FHIP1B: variants seen among roughly 807,000 people sequenced by gnomAD.
The protein encoded by FHIP1B is FHF complex subunit HOOK-interacting protein 1B.
Under a neutral mutation model 82.2 loss-of-function variants are expected in FHIP1B, and 28 were observed. That is an observed-to-expected ratio of 0.34 (90% CI 0.25 to 0.47). FHIP1B has a LOEUF of 0.47. Ranked by LOEUF, FHIP1B falls within the 20% of genes least tolerant of loss-of-function variation. The pLI is 1.00. For missense variants in FHIP1B, 1,110 were observed against 1,262.6 expected, an observed-to-expected ratio of 0.88 and a Z score of 1.83; for synonymous variants, 585 against 516.1, an observed-to-expected ratio of 1.13 and a Z score of -1.81.
intron 1 of FHIP1B, among the ~76,000 whole-genome samples, chr11:6,232,360 A>C (rs1220293597): frequency 2.0e-5 from 3 of 152,218 alleles, no homozygotes; most frequent in Admixed American, 6.5e-5. Flanking sequence ...TACCTGTTCC[A>C]ATGTCACTGC....
At chr11:6,229,447 ATC>A (rs986180771) in intron 1 of FHIP1B, among the ~76,000 whole-genome samples, 1 of 152,192 alleles carries the variant, frequency 6.6e-6, no homozygotes, top group Non-Finnish European at 1.5e-5. Flanking sequence ...AAGTGCCCAT[ATC>A]TCTGACTGAG....
rs201798905 is a variant in FHIP1B at position 6,218,956 on chromosome 11, T to C, written c.1271+15A>G. The C allele has an allele frequency of 6.2e-7, 1 of 1,613,626 alleles. No homozygotes were observed. The highest frequency in any genetic ancestry group is 1.3e-5 in the African/African-American group (1 of 74,896). ...TTCAGGGTCAGCCATCCCTCAGCCC[T>C]GCCCCAACAGATACCTGAGAACCAG... On this transcript the variant is annotated intron_variant, in intron 7 of 11. Coordinates refer to ENST00000449352, the MANE Select transcript of FHIP1B (RefSeq NM_001098794.2).
At chr11:6,218,895 AG>A in intron 7 of FHIP1B, 75 bp downstream of exon 7, 4 of 1,556,558 alleles carry the variant, frequency 2.6e-6, no homozygotes, top group Non-Finnish European at 3.5e-6. Context: ...ACCCCTATAT[AG>A]CCCATTGCCC....
At position 6,211,345 on chromosome 11, in the gene FHIP1B, T is replaced by A. The variant is rs1480057347; in HGVS notation, c.*161A>T. 8.9e-7 allele frequency: 1 copy of A among 1,129,094 alleles called. No homozygotes were observed. The highest frequency in any genetic ancestry group is 2.7e-5 in the East Asian group (1 of 37,436). The allele number at this position is 1,129,094 out of a possible 1,614,324, so 69.9% of individuals were successfully genotyped here. A position where few individuals can be genotyped will look rare whatever the true frequency, so the allele number is the denominator to read the frequency against. On this transcript the variant is annotated 3_prime_UTR_variant, in exon 12 of 12. Coordinates refer to ENST00000449352, the MANE Select transcript of FHIP1B (RefSeq NM_001098794.2). ...ATGGGAAAGAAAAATGAGCACAGAA[T>A]AGAGATTTCCCTTTTATACATATTG... is the stretch of plus-strand genomic sequence containing the variant.
At position 6,218,963 on chromosome 11, in the gene FHIP1B, A is replaced by G. The variant is rs763994886; in HGVS notation, c.1271+8T>C. 6.2e-7 allele frequency: 1 copy of G among 1,613,930 alleles called. No individual in the cohort carries two copies. The highest frequency in any genetic ancestry group is 1.1e-5 in the South Asian group (1 of 91,060). On this transcript the variant is annotated splice_region_variant and intron_variant, in intron 7 of 11. Coordinates refer to ENST00000449352, the MANE Select transcript of FHIP1B (RefSeq NM_001098794.2). ...TCAGCCATCCCTCAGCCCTGCCCCA[A>G]CAGATACCTGAGAACCAGCTGCAGC...
intron 6 of FHIP1B, 49 bp from the exon 7 acceptor site, chr11:6,219,099 C>A: frequency 2.0e-6 from 3 of 1,469,894 alleles, no homozygotes; most frequent in Non-Finnish European, 2.8e-6. Flanking sequence ...GCTCTCTGCC[C>A]TCCAAGCCAT....
rs376532722 is a variant in FHIP1B, at chr11:6,214,727, G to A, written c.2394+6C>T. The stretch of plus-strand genomic sequence containing the variant: ...GGACGCACCCATGCATGCATGCATC[G>A]CACACCTGCAGCAGGGACTTGACAC... On this transcript the variant is annotated splice_donor_region_variant and intron_variant, in intron 10 of 11. Coordinates refer to ENST00000449352, the MANE Select transcript of FHIP1B (RefSeq NM_001098794.2). 78 of 1,566,440 alleles carry A rather than the reference G, an allele frequency of 5.0e-5. 1 individual carries two copies. Among genetic ancestry groups the A allele is most frequent in the Admixed American group, 1.1e-4 (6 of 55,230 alleles).
rs566797155 is a variant in FHIP1B, at chr11:6,224,203, C to T, written c.184G>A (p.Gly62Ser). The part of the protein sequence containing the change: ...ERQGPRAAPG[G>S]ADDLSAVRNH... ...CGCACAGCACTGAGATCGTCTGCACCCCCAGGAGCTGCCCGAGGGCCTTGC... is the reference window on the plus strand; with the variant it reads ...CGCACAGCACTGAGATCGTCTGCACTCCCAGGAGCTGCCCGAGGGCCTTGC... The change falls in exon 3 of 12, where the codon GGT (glycine) becomes AGT (serine). Residue 62 changes from glycine (G) to serine (S), a missense_variant. Gly to Ser is a moderately conservative substitution (Grantham distance 56). Coordinates refer to ENST00000449352, the MANE Select transcript of FHIP1B (RefSeq NM_001098794.2). 5.3e-5 allele frequency: 85 copies of T among 1,611,790 alleles called. No individual in the cohort carries two copies. In the South Asian group the frequency reaches 8.7e-4, roughly 17 times the overall value.
chr11:6,217,604 A>G lies in FHIP1B; in HGVS notation c.1982T>C (p.Leu661Pro), dbSNP rs764652326. The G allele has an allele frequency of 4.3e-6, 7 of 1,613,450 alleles. No homozygotes were observed. The highest frequency in any genetic ancestry group is 5.9e-6 in the Non-Finnish European group (7 of 1,179,810). ...LVPKEGAGEL[L>P]EGISEGMAGL... ...TGCCATGCCCTCGGAGATGCCCTCTAGCAGTTCCCCAGCTCCCTCCTTTGG... is the reference window on the plus strand; with the variant it reads ...TGCCATGCCCTCGGAGATGCCCTCTGGCAGTTCCCCAGCTCCCTCCTTTGG... The change falls in exon 9 of 12, where the codon CTA becomes CCA. Residue 661 changes from leucine to proline, a missense_variant. This residue lies in a region of FHIP1B where 418 missense variants were observed against 371.4 expected (regional missense o/e 1.13). Coordinates refer to ENST00000449352, the MANE Select transcript of FHIP1B (RefSeq NM_001098794.2).
chr11:6,218,594 G>A lies in FHIP1B; in HGVS notation c.1435+6C>T. The A allele has an allele frequency of 6.2e-7, 1 of 1,614,050 alleles. No individual in the cohort carries two copies. The highest frequency in any genetic ancestry group is 8.5e-7 in the Non-Finnish European group (1 of 1,180,012). ...TCCCTTCTCCCTGTCTCTCTGCTAG[G>A]CCCACCTCGTGCCCATGAGGCATGC... On this transcript the variant is annotated splice_donor_region_variant and intron_variant, in intron 8 of 11. Transcript: ENST00000449352.
At chr11:6,231,669 T>C (rs1847703432) in intron 1 of FHIP1B, among the ~76,000 whole-genome samples, 1 of 151,648 alleles carries the variant, frequency 6.6e-6, no homozygotes, top group Non-Finnish European at 1.5e-5. Flanking sequence ...GGTGGTTTTA[T>C]TGTCGTTGTT....
chr11:6,222,621 GA>G lies in FHIP1B; in HGVS notation c.1024-13del, dbSNP rs1564865261. On this transcript the variant is annotated splice_polypyrimidine_tract_variant and intron_variant, in intron 5 of 11. Transcript: ENST00000449352. ...TCCTCCACAGAGGTCTGCACAAAAA[GA>G]AGGGAAAGTCTGGAAATGCACAGCT... 1 of 1,613,510 alleles carries G rather than the reference GA, an allele frequency of 6.2e-7. No homozygotes were observed.
chr11:6,225,903 A>T (rs536658036), intron 1 of FHIP1B, among the ~76,000 whole-genome samples: 9 of 152,312 alleles, frequency 5.9e-5, no homozygotes, highest in Admixed American at 1.3e-4. Flanking sequence ...CCTGCCAGAC[A>T]CAACCCAAAC....
Position 6,223,765 on chromosome 11 carries a change from G to C in FHIP1B, c.622C>G (p.Pro208Ala), listed in dbSNP as rs746290104. The C allele has an allele frequency of 1.9e-6, 3 of 1,614,226 alleles. No homozygotes were observed. The Admixed American group carries it at 5.0e-5, about 27-fold the overall frequency. The stretch of plus-strand genomic sequence containing the variant: ...AGGCGAGAAAAGAGAAGAAGACGGG[G>C]AGCGGCTCCAGGCTCAGGAGGTGGC... ...LQPPPEPGAAPRLLLFSRLVP... is the reference protein window; with the variant it reads ...LQPPPEPGAAARLLLFSRLVP... The change falls in exon 3 of 12, where the codon CCC becomes GCC. Residue 208 changes from proline to alanine, a missense_variant. Pro to Ala is a conservative substitution (Grantham distance 27, BLOSUM62 -1). Transcript: ENST00000449352. The surrounding 1 kb of genome is among the most constrained non-coding windows in gnomAD (Gnocchi z 4.8).
chr11:6,232,928 G>A (rs183148278), intron 1 of FHIP1B, among the ~76,000 whole-genome samples: 5 of 151,938 alleles, frequency 3.3e-5, no homozygotes, highest in African/African-American at 1.2e-4. Context: ...AAAAGAATAG[G>A]AATGATAATC....
At chr11:6,222,787 T>C (rs1847449771) in intron 5 of FHIP1B, 24 bp downstream of exon 5, 2 of 1,611,988 alleles carry the variant, frequency 1.2e-6, no homozygotes, top group African/African-American at 1.3e-5. Context: ...GCCCCTTATA[T>C]GCCTTGCCAC....
rs780406819 is a variant in FHIP1B, at chr11:6,223,853, T to C, written c.534A>G (p.Leu178=). 3.1e-6 allele frequency: 5 copies of C among 1,614,040 alleles called. No individual in the cohort carries two copies. In the Admixed American group the frequency reaches 6.7e-5, roughly 22 times the overall value. The change falls in exon 3 of 12, where the codon CTA becomes CTG. Residue 178 remains leucine, a synonymous_variant. Transcript: ENST00000449352. This position sits in a 1 kb window ranked among gnomAD's most constrained non-coding sequence, Gnocchi z 4.8. ...CACAAACACACAGCTGGCTGAGAAG[T>C]AGCACCAAGCCTTCATCCAGTGCTG... The part of the protein sequence containing the change: ...SSPALDEGLV[L]LLSQLCVCVA...
rs774229199 is a variant in FHIP1B at position 6,218,592 on chromosome 11, A to AG, written c.1435+7dup. On this transcript the variant is annotated splice_region_variant and intron_variant, in intron 8 of 11. Transcript: ENST00000449352. ...CCTCCCTTCTCCCTGTCTCTCTGCTAGGCCCACCTCGTGCCCATGAGGCAT... is the reference window on the plus strand; with the variant it reads ...CCTCCCTTCTCCCTGTCTCTCTGCTAGGGCCCACCTCGTGCCCATGAGGCAT... The AG allele has an allele frequency of 5.6e-6, 9 of 1,613,944 alleles. No individual in the cohort carries two copies. The highest frequency in any genetic ancestry group is 7.6e-6 in the Non-Finnish European group (9 of 1,179,954).
chr11:6,211,469 C>T lies in FHIP1B; in HGVS notation c.*37G>A, dbSNP rs375426902. 6.5e-5 allele frequency: 100 copies of T among 1,529,472 alleles called. 3 individuals are homozygous for T. The highest frequency in any genetic ancestry group is 4.5e-4 in the South Asian group (34 of 76,010). The allele number at this position is 1,529,472 out of a possible 1,614,324, so 94.7% of individuals were successfully genotyped here. On this transcript the variant is annotated 3_prime_UTR_variant, in exon 12 of 12. Coordinates refer to ENST00000449352, the MANE Select transcript of FHIP1B (RefSeq NM_001098794.2). The stretch of plus-strand genomic sequence containing the variant: ...AGGAGCCTGTGCCCTAGCCCCAGCC[C>T]GGGCCACCCATGGCCCTGATTGTCC...
Sources: gnomAD v4.1 joint callset for allele counts (sites outside exome capture counted in the v4.1 genomes callset) on GRCh38, gnomAD v4.1.1 for gene constraint, gnomAD v4.1.1 regional missense constraint, Gnocchi (gnomAD v3.1) non-coding constraint, MANE v1.5 for transcripts, NCBI Gene and HGNC (gene_info 2026-07-23, HGNC 2026-07-21) for gene names.